The following RGSL1 variants were observed in gnomAD, a reference collection of about 807,000 sequenced individuals.
RGSL1 encodes the protein regulator of G protein signaling like 1.
Under a neutral mutation model 124.7 loss-of-function variants are expected in RGSL1, and 97 were observed. That is an observed-to-expected ratio of 0.78 (90% CI 0.66 to 0.92). The LOEUF (loss-of-function observed/expected upper bound fraction) is 0.92, where lower values mean the gene tolerates loss of function less well. Ranked by LOEUF, RGSL1 falls within the 40% of genes least tolerant of loss-of-function variation. The pLI is 0.00. For missense variants in RGSL1, 1,233 were observed against 1,288.4 expected (o/e 0.96, Z 0.66); for synonymous variants, 424 against 438.1 (o/e 0.97, Z 0.40).
chr1:182,515,064 T>G (rs979299601), intron 9 of RGSL1, among the ~76,000 whole-genome samples: 1 of 152,160 alleles, frequency 6.6e-6, no homozygotes, highest in Non-Finnish European at 1.5e-5. Flanking sequence ...TCCTTTCTCT[T>G]CCATCTTTTC....
intron 4 of RGSL1, chr1:182,471,209 A>G: frequency 2.2e-6 from 1 of 453,904 alleles, no homozygotes; most frequent in East Asian, 7.0e-5. Flanking sequence ...GGGGTCTGGC[A>G]GTGTGCAAGG....
intron 9 of RGSL1, among the ~76,000 whole-genome samples, chr1:182,503,621 G>A: frequency 6.6e-6 from 1 of 151,966 alleles, no homozygotes; most frequent in South Asian, 2.1e-4. Context: ...GTGTAGGGTG[G>A]TGAGGGGGAG....
chr1:182,551,779 T>G (rs1660581061), intron 18 of RGSL1, among the ~76,000 whole-genome samples: 1 of 152,112 alleles, frequency 6.6e-6, no homozygotes, highest in Non-Finnish European at 1.5e-5. Flanking sequence ...CACCACATAA[T>G]GATGTTTCAG....
chr1:182,523,230 TG>T (rs1255592191), intron 10 of RGSL1, among the ~76,000 whole-genome samples: 1 of 145,914 alleles, frequency 6.9e-6, no homozygotes, highest in Non-Finnish European at 1.5e-5. Flanking sequence ...TTCTAGAGAC[TG>T]GGTCTTGCCC....
At chr1:182,471,526 A>G (rs1289770544) in intron 4 of RGSL1, 2 of 356,084 alleles carry the variant, frequency 5.6e-6, no homozygotes, top group Admixed American at 7.3e-5. Flanking sequence ...AAATCTTTGA[A>G]AACTGAGGTC....
intron 9 of RGSL1, among the ~76,000 whole-genome samples, chr1:182,513,897 CTTT>C (rs35152167): frequency 1.4e-5 from 2 of 138,810 alleles, no homozygotes; most frequent in Non-Finnish European, 3.1e-5. Context: ...CTCTCCCTAT[CTTT>C]TTTTTTTTTT....
chr1:182,469,038 C>G (rs1653591997), intron 4 of RGSL1, among the ~76,000 whole-genome samples: 2 of 151,950 alleles, frequency 1.3e-5, no homozygotes, highest in South Asian at 4.2e-4. Context: ...GATTGAAGAC[C>G]TAAATTTAAG....
At chr1:182,473,470 T>C in intron 5 of RGSL1, 105 bp from the exon 6 acceptor site, 4 of 1,234,058 alleles carry the variant, frequency 3.2e-6, no homozygotes, top group Non-Finnish European at 4.4e-6. Flanking sequence ...ACTAATAAAA[T>C]GCTATATACA....
intron 9 of RGSL1, among the ~76,000 whole-genome samples, chr1:182,515,019 C>T (rs984587167): frequency 1.3e-5 from 2 of 152,168 alleles, no homozygotes; most frequent in African/African-American, 4.8e-5. Flanking sequence ...TCAGTGAAAA[C>T]TCAGGGTGTG....
At chr1:182,556,999 T>C (rs887663682) in intron 21 of RGSL1, among the ~76,000 whole-genome samples, 3 of 152,188 alleles carry the variant, frequency 2.0e-5, no homozygotes, top group African/African-American at 7.2e-5. Flanking sequence ...GTGCCGAAGT[T>C]TTTTATTTCC....
chr1:182,494,869 A>C lies in RGSL1; in HGVS notation c.1825+1740A>C, dbSNP rs74128936. On this transcript the variant is annotated intron_variant, in intron 9 of 21. Coordinates refer to ENST00000294854, the MANE Select transcript of RGSL1 (RefSeq NM_001137669.2). ...AGCTCTCAAAGGAAATAGAACTAGT[A>C]GATCTCATCTTCGTGGGACCCATTG... 8.0e-3 allele frequency among the ~76,000 whole-genome samples: 1,216 copies of C among 152,312 alleles called. 25 individuals are homozygous for C. The highest frequency in any genetic ancestry group is 0.028 in the African/African-American group (1,173 of 41,564).
At chr1:182,455,174 G>C (rs1487676762) in intron 2 of RGSL1, among the ~76,000 whole-genome samples, 1 of 152,174 alleles carries the variant, frequency 6.6e-6, no homozygotes. Flanking sequence ...GAGACAGAGA[G>C]ATCATCCCTA....
intron 4 of RGSL1, among the ~76,000 whole-genome samples, chr1:182,464,197 T>C (rs1653081182): frequency 1.3e-5 from 2 of 152,232 alleles, no homozygotes; most frequent in African/African-American, 4.8e-5. Context: ...AAAAGCAGTG[T>C]TAATGGGAAA....
chr1:182,542,900 A>AT (rs1472458065), intron 15 of RGSL1, among the ~76,000 whole-genome samples: 2 of 151,886 alleles, frequency 1.3e-5, no homozygotes, highest in Non-Finnish European at 2.9e-5. Flanking sequence ...TCACATGTTG[A>AT]TTTTTTATTC....
intron 8 of RGSL1, 71 bp downstream of exon 8, chr1:182,489,273 T>C (rs934002453): frequency 4.0e-5 from 53 of 1,314,660 alleles, no homozygotes; most frequent in Middle Eastern, 2.1e-4. Flanking sequence ...TAACATTTAC[T>C]AATTATTTAC....
chr1:182,509,800 T>G (rs1657234217), intron 9 of RGSL1, among the ~76,000 whole-genome samples: 1 of 108,248 alleles, frequency 9.2e-6, no homozygotes, highest in Admixed American at 8.3e-5. Context: ...ATGGGGCGGC[T>G]GGCCGGGCGG....
chr1:182,527,293 A>C (rs536586678), intron 10 of RGSL1, among the ~76,000 whole-genome samples: 176 of 152,256 alleles, frequency 1.2e-3, no homozygotes, highest in Non-Finnish European at 1.9e-3. Context: ...TTGAACCCAT[A>C]ATGTAAAAAG....
intron 9 of RGSL1, among the ~76,000 whole-genome samples, chr1:182,520,192 G>A (rs1658228689): frequency 6.6e-6 from 1 of 152,272 alleles, no homozygotes; most frequent in East Asian, 1.9e-4. Context: ...TAAACTAGTA[G>A]CATCCAGATA....
Position 182,527,742 on chromosome 1 carries a change from AAG to A in RGSL1, c.2097_2098del (p.Lys699AsnfsTer10). Reference protein sequence around the residue: ...ICKSLIENVIKTFFQGQLSPE... With the variant: ...ICKSLIENVIXTFFQGQLSPE... ...CAAGTCTCTCATAGAAAATGTAATCAAGACTTTCTTCCAAGGCCAACTCTCTC... is the reference window on the plus strand; with the variant it reads ...CAAGTCTCTCATAGAAAATGTAATCAACTTTCTTCCAAGGCCAACTCTCTC... On this transcript the variant is annotated frameshift_variant, in exon 11 of 22. Coordinates refer to ENST00000294854, the MANE Select transcript of RGSL1 (RefSeq NM_001137669.2). LOFTEE classifies it high-confidence loss of function. 1 of 1,550,904 alleles carries A rather than the reference AAG, an allele frequency of 6.4e-7. No individual in the cohort carries two copies. Among genetic ancestry groups the A allele is most frequent in the South Asian group, 1.2e-5 (1 of 83,922 alleles).
Sources: gnomAD v4.1 joint callset for allele counts (sites outside exome capture counted in the v4.1 genomes callset) on GRCh38, gnomAD v4.1.1 for gene constraint, MANE v1.5 for transcripts, NCBI Gene and HGNC (gene_info 2026-07-23, HGNC 2026-07-21) for gene names.